PRDM5: variants seen among roughly 807,000 people sequenced by gnomAD.
PRDM5 encodes PR/SET domain 5.
A neutral mutation model predicts 81.2 loss-of-function variants in PRDM5; 56 were observed. The observed-to-expected ratio is 0.69, with a 90% CI of 0.56 to 0.86. The LOEUF (loss-of-function observed/expected upper bound fraction) is 0.86. PRDM5 is among the 40% of genes least tolerant of loss of function. PRDM5 has a pLI of 0.00. For missense variants in PRDM5, 697 were observed against 770.1 expected (o/e 0.91, Z 1.12); for synonymous variants, 267 against 256.4 (o/e 1.04, Z -0.39).
chr4:120,902,858 G>GC (rs1470075052), intron 2 of PRDM5, among the ~76,000 whole-genome samples: 1 of 152,094 alleles, frequency 6.6e-6, no homozygotes, highest in East Asian at 1.9e-4. Context: ...AGAGAGAGAG[G>GC]TGGCAGTAGA....
chr4:120,695,844 A>C (rs1252416833), intron 15 of PRDM5, among the ~76,000 whole-genome samples: 1 of 151,898 alleles, frequency 6.6e-6, no homozygotes, highest in Non-Finnish European at 1.5e-5. Flanking sequence ...CCAAGTTACC[A>C]AAAAAAATGG....
intron 2 of PRDM5, among the ~76,000 whole-genome samples, chr4:120,906,557 T>C (rs1765817640): frequency 6.6e-6 from 1 of 152,210 alleles, no homozygotes; most frequent in African/African-American, 2.4e-5. Flanking sequence ...ACCACTGCTT[T>C]CCTATTTTGA....
chr4:120,779,492 C>T (rs1438628583), intron 12 of PRDM5, among the ~76,000 whole-genome samples: 1 of 152,024 alleles, frequency 6.6e-6, no homozygotes, highest in Non-Finnish European at 1.5e-5. Context: ...AGTTGAAAGA[C>T]TAGTTTATTC....
chr4:120,686,466 A>C (rs1311966534), intron 1 of PRDM5, among the ~76,000 whole-genome samples: 1 of 152,120 alleles, frequency 6.6e-6, no homozygotes, highest in Admixed American at 6.6e-5. Flanking sequence ...TCTAACTGAT[A>C]ATCTTATATC....
At chr4:120,798,532 T>G (rs757143868) in intron 9 of PRDM5, 108 bp from the exon 10 acceptor site, 18 of 1,002,434 alleles carry the variant, frequency 1.8e-5, no homozygotes, top group Non-Finnish European at 2.7e-5. Context: ...AACTAAAGGA[T>G]GGTCAAACAA....
chr4:120,825,662 A>C (rs1160308841), intron 3 of PRDM5, among the ~76,000 whole-genome samples: 6 of 152,112 alleles, frequency 3.9e-5, no homozygotes, highest in African/African-American at 1.4e-4. Flanking sequence ...TAAATACAGG[A>C]AAAGTTGAGT....
At chr4:120,716,485 G>A (rs950076180) in intron 14 of PRDM5, among the ~76,000 whole-genome samples, 5 of 152,222 alleles carry the variant, frequency 3.3e-5, no homozygotes, top group Admixed American at 6.5e-5. Context: ...AAGGCCCCAC[G>A]AGCATACTTC....
intron 13 of PRDM5, 43 bp from the exon 14 acceptor site, chr4:120,754,681 G>T: frequency 1.5e-6 from 2 of 1,326,504 alleles, no homozygotes; most frequent in Non-Finnish European, 2.2e-6. Context: ...ACATGAAGTA[G>T]CAGAACCAGT....
chr4:120,829,763 C>G (rs1481450634), intron 3 of PRDM5, among the ~76,000 whole-genome samples: 2 of 152,004 alleles, frequency 1.3e-5, no homozygotes, highest in African/African-American at 2.4e-5. Context: ...AAAATCCACA[C>G]TATCCAGCTA....
intron 8 of PRDM5, among the ~76,000 whole-genome samples, chr4:120,799,976 G>A (rs573926048): frequency 6.6e-6 from 1 of 152,280 alleles, no homozygotes; most frequent in Non-Finnish European, 1.5e-5. Flanking sequence ...CCTTAAAAAT[G>A]TAATACAGCT....
intron 8 of PRDM5, among the ~76,000 whole-genome samples, chr4:120,801,848 GATTTAT>G (rs1305097835): frequency 6.6e-6 from 1 of 151,654 alleles, no homozygotes; most frequent in Non-Finnish European, 1.5e-5. Context: ...AGTAAGAGCA[GATTTAT>G]ATTCTTAAAC....
chr4:120,743,200 A>C (rs1197637341), intron 14 of PRDM5, among the ~76,000 whole-genome samples: 1 of 151,612 alleles, frequency 6.6e-6, no homozygotes, highest in African/African-American at 2.4e-5. Context: ...GTGAAGGAGA[A>C]ATAAAATACT....
chr4:120,907,003 TA>T (rs3086696), intron 2 of PRDM5, among the ~76,000 whole-genome samples: 707 of 111,746 alleles, frequency 6.3e-3, no homozygotes, highest in South Asian at 0.019. Flanking sequence ...CCACTTTCTC[TA>T]AAAAAAAAAA....
At chr4:120,873,557 T>A (rs946902106) in intron 2 of PRDM5, among the ~76,000 whole-genome samples, 1 of 152,248 alleles carries the variant, frequency 6.6e-6, no homozygotes, top group East Asian at 1.9e-4. Context: ...AAATTTACAA[T>A]AGTCATTGTC....
intron 15 of PRDM5, among the ~76,000 whole-genome samples, chr4:120,701,912 T>C (rs919554906): frequency 3.3e-5 from 5 of 152,216 alleles, no homozygotes; most frequent in Admixed American, 3.3e-4. Flanking sequence ...ATACATCTCT[T>C]CACTCTGAAA....
chr4:120,836,532 C>T (rs1011085474), intron 3 of PRDM5, among the ~76,000 whole-genome samples: 7 of 152,206 alleles, frequency 4.6e-5, no homozygotes, highest in Non-Finnish European at 8.8e-5. Context: ...TCCTGTAAGA[C>T]TTACAGTTAG....
chr4:120,911,706 A>T (rs1025397730), intron 1 of PRDM5, among the ~76,000 whole-genome samples: 1 of 152,190 alleles, frequency 6.6e-6, no homozygotes, highest in Non-Finnish European at 1.5e-5. Flanking sequence ...GATTTAGATT[A>T]GTTGATTCTA....
chr4:120,816,904 T>G lies in PRDM5; in HGVS notation c.671A>C (p.Lys224Thr), dbSNP rs1029844685. The change falls in exon 6 of 16, where the codon AAA becomes ACA. Residue 224 changes from lysine (K) to threonine (T), a missense_variant. Coordinates refer to ENST00000264808, the MANE Select transcript of PRDM5 (RefSeq NM_018699.4). ...LQRHVLQCTA[K>T]SSLKESSRSF... ...TCGCGAAGACTCCTTTAGACTGCTT[T>G]TCGCTGTGCACTGAAGAACACTAAA... The G allele has an allele frequency of 6.2e-7, 1 of 1,613,118 alleles. No individual in the cohort carries two copies. The highest frequency in any genetic ancestry group is 8.5e-7 in the Non-Finnish European group (1 of 1,179,192).
intron 2 of PRDM5, among the ~76,000 whole-genome samples, chr4:120,856,762 C>A (rs1759925253): frequency 6.6e-6 from 1 of 152,096 alleles, no homozygotes; most frequent in South Asian, 2.1e-4. Context: ...TTTTTTAAAT[C>A]TAAGGAATAA....
Sources: allele counts gnomAD v4.1 joint callset (sites outside exome capture counted in the v4.1 genomes callset), GRCh38; gene constraint gnomAD v4.1.1; transcripts MANE v1.5; gene names NCBI Gene and HGNC (gene_info 2026-07-23, HGNC 2026-07-21).